The following PATJ variants were observed in gnomAD, a reference collection of about 807,000 sequenced individuals.
PATJ encodes the protein inaD-like protein.
Under a neutral mutation model 224.9 loss-of-function variants are expected in PATJ, and 190 were observed. The ratio of observed to expected loss-of-function variants is 0.84; its 90% CI spans 0.75 to 0.95. PATJ has a LOEUF of 0.95. Ranked by LOEUF, PATJ falls within the 40% of genes least tolerant of loss-of-function variation. The probability of loss-of-function intolerance (pLI) is 0.00; values close to 1 mark genes in which losing one functional copy is unlikely to be tolerated. For missense variants in PATJ, 2,121 were observed against 2,270.3 expected, an observed-to-expected ratio of 0.93 and a Z score of 1.34; for synonymous variants, 769 against 820.3, an observed-to-expected ratio of 0.94 and a Z score of 1.07.
At chr1:62,143,347 A>T (rs191821223) in intron 41 of PATJ, among the ~76,000 whole-genome samples, 2 of 152,230 alleles carry the variant, frequency 1.3e-5, no homozygotes, top group East Asian at 3.9e-4. Context: ...TTAGATCAAA[A>T]GTTTGAATAT....
At chr1:61,974,721 A>G (rs1644034297) in intron 27 of PATJ, among the ~76,000 whole-genome samples, 1 of 152,006 alleles carries the variant, frequency 6.6e-6, no homozygotes, top group Non-Finnish European at 1.5e-5. Context: ...TTATACTAAA[A>G]AATAATAATT....
chr1:62,069,551 A>G lies in PATJ; in HGVS notation c.4126-9899A>G, dbSNP rs13375507. Among the ~76,000 whole-genome samples, 1,313 of 152,272 alleles carry G rather than the reference A, an allele frequency of 8.6e-3. 18 individuals carry two copies. The highest frequency in any genetic ancestry group is 0.03 in the African/African-American group (1,236 of 41,544). On this transcript the variant is annotated intron_variant, in intron 31 of 43. Coordinates refer to ENST00000642238, the MANE Select transcript of PATJ (RefSeq NM_001350145.3). ...GCTCGGATGTTTAAGAGTAATCAAT[A>G]TAAGAAATGAGACAGTGCGTCAGAC...
chr1:62,156,370 GAATACAAAA>G (rs1451750476), intron 43 of PATJ, among the ~76,000 whole-genome samples: 1 of 150,574 alleles, frequency 6.6e-6, no homozygotes, highest in African/African-American at 2.4e-5. Context: ...TCTCTACTAA[GAATACAAAA>G]ATTAGCCATT....
intron 14 of PATJ, among the ~76,000 whole-genome samples, chr1:61,814,554 G>GCA (rs1482851956): frequency 1.3e-5 from 2 of 151,618 alleles, no homozygotes; most frequent in Non-Finnish European, 2.9e-5. Flanking sequence ...GTGTGCGCGC[G>GCA]CGCGCGCATG....
At position 61,808,496 on chromosome 1, in the gene PATJ, T is replaced by C; in HGVS notation, c.1649T>C (p.Ile550Thr). The C allele has an allele frequency of 1.2e-6, 2 of 1,608,416 alleles. No individual in the cohort carries two copies. Among genetic ancestry groups the C allele is most frequent in the Non-Finnish European group, 1.7e-6 (2 of 1,175,640 alleles). The change falls in exon 14 of 44, where the codon ATT (isoleucine) becomes ACT (threonine). Residue 550 changes from isoleucine to threonine, a missense_variant. Ile to Thr is a moderately conservative substitution (Grantham distance 89). Transcript: ENST00000642238. ...TAGGTTGCTACTTTGGACACACAGA[T>C]TGCAGATGATGCTGAGTTACAGAAA... is the stretch of plus-strand genomic sequence containing the variant. ...EVMVATLDTQIADDAELQKYS... is the reference protein window; with the variant it reads ...EVMVATLDTQTADDAELQKYS...
rs1664513447 is a variant in PATJ at position 62,117,023 on chromosome 1, C to CT, written c.4804-106dup. On this transcript the variant is annotated intron_variant, in intron 36 of 43. Transcript: ENST00000642238. ...CCTCTCTCTAGGGCTATGCCTGTTGCTTTCATTACCCTTTTATAATTTGTG... is the reference window on the plus strand; with the variant it reads ...CCTCTCTCTAGGGCTATGCCTGTTGCTTTTCATTACCCTTTTATAATTTGTG... The CT allele has an allele frequency of 3.3e-6, 3 of 901,866 alleles. No individual in the cohort carries two copies. In the African/African-American group the frequency reaches 5.0e-5, roughly 15 times the overall value. 55.9% of individuals were successfully genotyped at this position (901,866 alleles called of 1,614,324 possible).
At position 62,106,156 on chromosome 1, in the gene PATJ, GTGTATATATATATA is replaced by G. The variant is rs1421504179; in HGVS notation, c.4378-2279_4378-2266del. On this transcript the variant is annotated intron_variant, in intron 33 of 43. Transcript: ENST00000642238. The stretch of plus-strand genomic sequence containing the variant: ...TATACATGTGTATATGTGTGTGTGT[GTGTATATATATATA>G]TATATATATATATATATGGCTGGGC... Among the ~76,000 whole-genome samples, 47 of 54,862 alleles carry G rather than the reference GTGTATATATATATA, an allele frequency of 8.6e-4. 4 individuals carry two copies. Among genetic ancestry groups the G allele is most frequent in the African/African-American group, 2.6e-3 (43 of 16,344 alleles). The allele number at this position is 54,862 out of a possible 152,430, so 36.0% of individuals were successfully genotyped here.
At position 61,827,535 on chromosome 1, in the gene PATJ, T is replaced by C; in HGVS notation, c.1932T>C (p.Ala644=). Residue 644 remains alanine (A), a synonymous_variant, in exon 16 of 44, where the codon GCT becomes GCC. Coordinates refer to ENST00000642238, the MANE Select transcript of PATJ (RefSeq NM_001350145.3). The part of the protein sequence containing the change: ...VCCRRLFDDE[A]SVDEPRRTET... ...GTCGGAGGTTGTTTGATGATGAAGC[T>C]TCTGTAGATGAACCAAGGCGCACTG... 2 of 1,614,012 alleles carry C rather than the reference T, an allele frequency of 1.2e-6. No individual in the cohort carries two copies. The highest frequency in any genetic ancestry group is 8.5e-7 in the Non-Finnish European group (1 of 1,179,978).
At chr1:62,099,553 G>A (rs1570589545) in intron 33 of PATJ, among the ~76,000 whole-genome samples, 1 of 151,982 alleles carries the variant, frequency 6.6e-6, no homozygotes, top group East Asian at 1.9e-4. Flanking sequence ...TGTAGGGAGT[G>A]CAGGTAGGGA....
In PATJ at chr1:61,797,425, A is replaced by G; in HGVS notation, c.1399A>G (p.Arg467Gly). 1 of 1,609,144 alleles carries G rather than the reference A, an allele frequency of 6.2e-7. No homozygotes were observed. Among genetic ancestry groups the G allele is most frequent in the Non-Finnish European group, 8.5e-7 (1 of 1,175,942 alleles). ...STSPLEPPSDRGTVVEPLKPP... is the reference protein window; with the variant it reads ...STSPLEPPSDGGTVVEPLKPP... ...TTCTCCACTTGAACCACCTTCAGAC[A>G]GAGGTGATTAATTTGCCACCCCTCT... is the stretch of plus-strand genomic sequence containing the variant. Residue 467 changes from arginine (R) to glycine (G), a missense_variant, in exon 11 of 44, where the codon AGA (arginine) becomes GGA (glycine). By Grantham distance (125) the Arg-to-Gly change is moderately radical (BLOSUM62 -2). Coordinates refer to ENST00000642238, the MANE Select transcript of PATJ (RefSeq NM_001350145.3).
chr1:61,905,547 G>T (rs1671741159), intron 24 of PATJ, among the ~76,000 whole-genome samples: 1 of 152,134 alleles, frequency 6.6e-6, no homozygotes, highest in Non-Finnish European at 1.5e-5. Context: ...AAATAAATCT[G>T]CTCTAAATAT....
intron 42 of PATJ, 42 bp from the exon 43 acceptor site, chr1:62,153,316 A>T: frequency 7.4e-6 from 9 of 1,214,182 alleles, no homozygotes; most frequent in Non-Finnish European, 9.3e-6. Context: ...ATTCCCTCTC[A>T]ATATCTATTC....
At chr1:62,130,072 C>T (rs968756807) in intron 41 of PATJ, among the ~76,000 whole-genome samples, 4 of 152,196 alleles carry the variant, frequency 2.6e-5, no homozygotes, top group Non-Finnish European at 5.9e-5. Flanking sequence ...CAGTGGCTCA[C>T]ACCTATAGTC....
intron 17 of PATJ, among the ~76,000 whole-genome samples, chr1:61,840,745 G>A (rs1010757275): frequency 6.6e-6 from 1 of 151,934 alleles, no homozygotes; most frequent in African/African-American, 2.4e-5. Flanking sequence ...TAAAAGGTGG[G>A]AATAAATCTT....
intron 6 of PATJ, among the ~76,000 whole-genome samples, chr1:61,773,017 C>T (rs1333750673): frequency 6.6e-6 from 1 of 152,094 alleles, no homozygotes; most frequent in East Asian, 1.9e-4. Flanking sequence ...ATTTATTAAA[C>T]AATCCCAATA....
At chr1:61,966,048 C>G (rs898734403) in intron 27 of PATJ, among the ~76,000 whole-genome samples, 2 of 152,174 alleles carry the variant, frequency 1.3e-5, no homozygotes, top group Non-Finnish European at 2.9e-5. Context: ...ACTATAGGCA[C>G]ATGCCACCAT....
At chr1:61,994,388 T>C (rs1382273381) in intron 28 of PATJ, among the ~76,000 whole-genome samples, 4 of 152,180 alleles carry the variant, frequency 2.6e-5, no homozygotes, top group Non-Finnish European at 5.9e-5. Flanking sequence ...TTTGATTTTA[T>C]TCATAATTTT....
chr1:62,154,470 G>C (rs1367325768), intron 43 of PATJ, among the ~76,000 whole-genome samples: 1 of 151,892 alleles, frequency 6.6e-6, no homozygotes, highest in Non-Finnish European at 1.5e-5. Context: ...AGACCAGCCT[G>C]GTCAACATGG....
At chr1:61,783,745 C>CTTTTT (rs11372619) in intron 7 of PATJ, among the ~76,000 whole-genome samples, 3 of 117,890 alleles carry the variant, frequency 2.5e-5, no homozygotes, top group Admixed American at 1.0e-4. Context: ...AGAGTTGCTA[C>CTTTTT]TTTTTTTTTT....
Sources: gnomAD v4.1 joint callset for allele counts (sites outside exome capture counted in the v4.1 genomes callset) on GRCh38, gnomAD v4.1.1 for gene constraint, MANE v1.5 for transcripts, NCBI Gene and HGNC (gene_info 2026-07-23, HGNC 2026-07-21) for gene names.